LDLRAD4: variants seen among roughly 807,000 people sequenced by gnomAD.
LDLRAD4 encodes low density lipoprotein receptor class A domain containing 4.
In LDLRAD4, 5 loss-of-function variants were observed where a neutral mutation model predicts 17.0. That is an observed-to-expected ratio of 0.29 (90% CI 0.15 to 0.62). The LOEUF (loss-of-function observed/expected upper bound fraction) is 0.62, where lower values mean the gene tolerates loss of function less well. LDLRAD4 is among the 20% of genes least tolerant of loss of function. The probability of loss-of-function intolerance (pLI) is 0.84; values close to 1 mark genes in which losing one functional copy is unlikely to be tolerated. For synonymous variants in LDLRAD4, 168 were observed against 171.8 expected, an observed-to-expected ratio of 0.98 and a Z score of 0.17; for missense variants, 340 against 424.7, an observed-to-expected ratio of 0.80 and a Z score of 1.75.
intron 1 of LDLRAD4, among the ~76,000 whole-genome samples, chr18:13,337,614 G>A (rs1341399415): frequency 6.6e-6 from 1 of 151,968 alleles, no homozygotes; most frequent in Non-Finnish European, 1.5e-5. Flanking sequence ...TTTAAAAGTC[G>A]GCGGGGGGCA....
In LDLRAD4 at chr18:13,603,035, T is replaced by A. The variant is rs944383132; in HGVS notation, c.182-18082T>A. ...AAGAAAAGTGTTGAGGGAGCTTTTA[T>A]TCTAGAAAACTCTGATTTTTATAAA... On this transcript the variant is annotated intron_variant, in intron 3 of 5. Transcript: ENST00000359446. 2.0e-5 allele frequency among the ~76,000 whole-genome samples: 3 copies of A among 151,818 alleles called. No individual in the cohort carries two copies. In the East Asian group the frequency reaches 5.8e-4, roughly 29 times the overall value.
At chr18:13,373,044 G>A (rs1050775740) in intron 1 of LDLRAD4, among the ~76,000 whole-genome samples, 1 of 152,232 alleles carries the variant, frequency 6.6e-6, no homozygotes, top group African/African-American at 2.4e-5. Context: ...ACAGATTTCA[G>A]TGGAGCTGGG....
chr18:13,616,057 C>G (rs2148761706), intron 3 of LDLRAD4: 1 of 152,310 alleles, frequency 6.6e-6, no homozygotes, highest in Non-Finnish European at 1.5e-5. Flanking sequence ...TCATTTTCTT[C>G]TTAGCCTCCC....
At chr18:13,218,362 T>G (rs1255478573), upstream of LDLRAD4, among the ~76,000 whole-genome samples, 1 of 152,138 alleles carries the variant, frequency 6.6e-6, no homozygotes, top group East Asian at 1.9e-4. Flanking sequence ...GTGGAGGGAC[T>G]TCGCCGACCC....
intron 3 of LDLRAD4, among the ~76,000 whole-genome samples, chr18:13,554,361 GGT>G (rs60901532): frequency 0.058 from 8,786 of 152,160 alleles, 580 homozygotes; most frequent in African/African-American, 0.16. Flanking sequence ...TGTTTTTCTA[GGT>G]GTCAAGGGAG....
At chr18:13,650,463 T>TATCA in exon 6 of LDLRAD4, 1 of 397,994 alleles carries the variant, frequency 2.5e-6, no homozygotes, top group Non-Finnish European at 4.4e-6. Flanking sequence ...GATATACCCC[T>TATCA]ATCATGTCAG....
intron 3 of LDLRAD4, among the ~76,000 whole-genome samples, chr18:13,572,374 C>G (rs1433736346): frequency 6.6e-6 from 1 of 152,210 alleles, no homozygotes; most frequent in Admixed American, 6.5e-5. Flanking sequence ...CTTCCCTGCT[C>G]CAGGGTCAGT....
chr18:13,571,899 G>A (rs970820820), intron 3 of LDLRAD4, among the ~76,000 whole-genome samples: 2 of 152,186 alleles, frequency 1.3e-5, no homozygotes. Context: ...GCCTCCCAAA[G>A]TGCTAGGATT....
At chr18:13,249,103 G>T (rs956386013) in intron 1 of LDLRAD4, among the ~76,000 whole-genome samples, 1 of 152,172 alleles carries the variant, frequency 6.6e-6, no homozygotes, top group Non-Finnish European at 1.5e-5. Context: ...TGGCTGATTG[G>T]TACGCCATGG....
intron 1 of LDLRAD4, among the ~76,000 whole-genome samples, chr18:13,375,755 C>T (rs2084858424): frequency 6.6e-6 from 1 of 152,140 alleles, no homozygotes; most frequent in Admixed American, 6.5e-5. Context: ...AGTCAGGGAA[C>T]AGCACCCTCT....
At chr18:13,370,645 T>C (rs2084394489) in intron 1 of LDLRAD4, among the ~76,000 whole-genome samples, 2 of 151,860 alleles carry the variant, frequency 1.3e-5, no homozygotes, top group Admixed American at 1.3e-4. Context: ...AGACTGCCAT[T>C]TTCTGTGACA....
chr18:13,588,933 CTT>C (rs151102496), intron 3 of LDLRAD4, among the ~76,000 whole-genome samples: 15 of 137,928 alleles, frequency 1.1e-4, no homozygotes, highest in East Asian at 2.1e-4. Flanking sequence ...TTCTTTTTTT[CTT>C]TTTTTTTTTT....
chr18:13,301,833 T>A (rs947754991), intron 1 of LDLRAD4, among the ~76,000 whole-genome samples: 4 of 152,090 alleles, frequency 2.6e-5, no homozygotes, highest in African/African-American at 9.7e-5. Flanking sequence ...CTCTGCAGGG[T>A]CTGAGGTGGG....
intron 2 of LDLRAD4, among the ~76,000 whole-genome samples, chr18:13,388,534 TG>T (rs60736351): frequency 0.13 from 19,676 of 152,232 alleles, 1,384 homozygotes; most frequent in East Asian, 0.26. Context: ...AAGAGAAAGA[TG>T]GTAGAAATAG....
At chr18:13,444,604 A>G (rs963974759) in intron 3 of LDLRAD4, among the ~76,000 whole-genome samples, 3 of 152,186 alleles carry the variant, frequency 2.0e-5, no homozygotes, top group African/African-American at 4.8e-5. Context: ...TCAGCTGCAC[A>G]TAGTGGACAC....
chr18:13,641,626 C>T, intron 4 of LDLRAD4: 3 of 333,924 alleles, frequency 9.0e-6, no homozygotes, highest in Non-Finnish European at 1.3e-5. Flanking sequence ...GGCCCGAGGA[C>T]TGGGGTGAGG....
intron 3 of LDLRAD4, among the ~76,000 whole-genome samples, chr18:13,470,429 C>T (rs929336465): frequency 5.9e-5 from 9 of 151,428 alleles, no homozygotes; most frequent in South Asian, 2.1e-4. Context: ...ATCCTTCCGC[C>T]GGCACCTCAC....
chr18:13,276,629 T>C (rs77307742), upstream of LDLRAD4, among the ~76,000 whole-genome samples: 5,099 of 152,264 alleles, frequency 0.033, 284 homozygotes, highest in African/African-American at 0.12. Flanking sequence ...TGGGGAGCCC[T>C]TGTAGTGCTT....
At chr18:13,422,305 A>C (rs912796721) in intron 2 of LDLRAD4, among the ~76,000 whole-genome samples, 1 of 152,230 alleles carries the variant, frequency 6.6e-6, no homozygotes, top group Admixed American at 6.5e-5. Context: ...TGTGAGCTTC[A>C]GCCCCAAATC....
Sources: gnomAD v4.1 joint callset for allele counts (sites outside exome capture counted in the v4.1 genomes callset) on GRCh38, gnomAD v4.1.1 for gene constraint, MANE v1.5 for transcripts, NCBI Gene and HGNC (gene_info 2026-07-23, HGNC 2026-07-21) for gene names.